The following VPS26A variants were observed in gnomAD, a reference collection of about 807,000 sequenced individuals.
VPS26A encodes VPS26 retromer complex component A.
VPS26A carries 22 observed loss-of-function variants against 42.4 expected under a neutral mutation model. The observed-to-expected ratio is 0.52, with a 90% CI of 0.37 to 0.74. VPS26A has a LOEUF of 0.74. Ranked by LOEUF, VPS26A falls within the 30% of genes least tolerant of loss-of-function variation. The pLI, the probability that VPS26A is intolerant of heterozygous loss-of-function variation, is 0.00. For missense variants in VPS26A, 276 were observed against 379.2 expected (o/e 0.73, Z 2.26); for synonymous variants, 110 against 123.5 (o/e 0.89, Z 0.73).
chr10:69,141,813 A>G (rs1312102312), intron 2 of VPS26A, among the ~76,000 whole-genome samples: 3 of 152,210 alleles, frequency 2.0e-5, no homozygotes, highest in Admixed American at 6.5e-5. Context: ...GAGGTTTGCT[A>G]TAATAACAAT....
intron 2 of VPS26A, among the ~76,000 whole-genome samples, chr10:69,140,458 C>T (rs371130437): frequency 3.9e-5 from 6 of 152,210 alleles, no homozygotes; most frequent in South Asian, 4.2e-4. Context: ...CTGCAACCTC[C>T]GTCTCCCAGG....
chr10:69,132,937 G>A lies in VPS26A; in HGVS notation c.43G>A (p.Asp15Asn), dbSNP rs1253070221. 4 of 1,601,196 alleles carry A rather than the reference G, an allele frequency of 2.5e-6. No individual in the cohort carries two copies. The highest frequency in any genetic ancestry group is 1.8e-5 in the Admixed American group (1 of 55,932). Reference protein sequence around the residue: ...GGFFGPICEIDIVLNDGETRK... With the variant: ...GGFFGPICEINIVLNDGETRK... Reference sequence around the variant, plus strand: ...CTTTTTTGGTCCAATTTGTGAGATCGATATTGTTCTTAATGATGGGGAAAC... The same window carrying A: ...CTTTTTTGGTCCAATTTGTGAGATCAATATTGTTCTTAATGATGGGGAAAC... The change falls in exon 2 of 9, where the codon GAT (aspartate) becomes AAT (asparagine). Residue 15 changes from aspartate to asparagine, a missense_variant. By Grantham distance (23) the Asp-to-Asn change is conservative. Coordinates refer to ENST00000263559, the MANE Select transcript of VPS26A (RefSeq NM_004896.5).
intron 6 of VPS26A, 26 bp downstream of exon 6, chr10:69,162,538 A>G: frequency 7.1e-7 from 1 of 1,401,722 alleles, no homozygotes; most frequent in Non-Finnish European, 9.8e-7. Context: ...TATGTAAATT[A>G]AAATTCTTTG....
chr10:69,150,886 A>T (rs901788461), intron 2 of VPS26A, among the ~76,000 whole-genome samples: 1 of 152,050 alleles, frequency 6.6e-6, no homozygotes, highest in Non-Finnish European at 1.5e-5. Context: ...GTTATGTGAG[A>T]TTTCCTTGTG....
intron 6 of VPS26A, among the ~76,000 whole-genome samples, chr10:69,164,863 T>G (rs13376856): frequency 0.22 from 33,486 of 151,808 alleles, 3,964 homozygotes; most frequent in African/African-American, 0.24. Context: ...TCTTTTATTG[T>G]TTCATCCCTG....
At chr10:69,144,726 G>C (rs1455304278) in intron 2 of VPS26A, among the ~76,000 whole-genome samples, 1 of 150,810 alleles carries the variant, frequency 6.6e-6, no homozygotes, top group Non-Finnish European at 1.5e-5. Context: ...CTATCTAGTT[G>C]ACTCTTTTTC....
chr10:69,149,765 G>C (rs79658076), intron 2 of VPS26A, among the ~76,000 whole-genome samples: 1 of 69,398 alleles, frequency 1.4e-5, no homozygotes, highest in Non-Finnish European at 2.2e-5. Context: ...TTTTTTTTTT[G>C]AGATGGAGTC....
intron 1 of VPS26A, among the ~76,000 whole-genome samples, chr10:69,128,552 T>G (rs1369696394): frequency 1.3e-5 from 2 of 152,106 alleles, no homozygotes; most frequent in Non-Finnish European, 2.9e-5. Flanking sequence ...AATGTCAGCT[T>G]TCAAATCCCA....
chr10:69,131,081 G>T (rs1189439609), intron 1 of VPS26A, among the ~76,000 whole-genome samples: 2 of 152,114 alleles, frequency 1.3e-5, no homozygotes, highest in Admixed American at 6.5e-5. Flanking sequence ...TGCCTTCTGG[G>T]TCCAGGTGAT....
chr10:69,133,838 C>T (rs1840847655), intron 2 of VPS26A, among the ~76,000 whole-genome samples: 1 of 152,044 alleles, frequency 6.6e-6, no homozygotes, highest in African/African-American at 2.4e-5. Context: ...AGGCACACAC[C>T]ACCACTTCAG....
intron 2 of VPS26A, among the ~76,000 whole-genome samples, chr10:69,148,893 C>T (rs1374274524): frequency 1.3e-5 from 2 of 151,500 alleles, no homozygotes; most frequent in African/African-American, 4.9e-5. Flanking sequence ...GTAGCTGGGA[C>T]TACAGGTGCC....
At chr10:69,163,224 G>A (rs1009745106) in intron 6 of VPS26A, among the ~76,000 whole-genome samples, 2 of 152,148 alleles carry the variant, frequency 1.3e-5, no homozygotes, top group African/African-American at 4.8e-5. Flanking sequence ...CATTTTGCAC[G>A]TGTGCAAGAT....
chr10:69,154,429 G>C (rs1841385332), intron 2 of VPS26A, among the ~76,000 whole-genome samples: 1 of 152,186 alleles, frequency 6.6e-6, no homozygotes, highest in South Asian at 2.1e-4. Context: ...CCAGCTACTT[G>C]GGAGGCTGAG....
At chr10:69,145,330 C>T (rs953685215) in intron 2 of VPS26A, among the ~76,000 whole-genome samples, 3 of 152,130 alleles carry the variant, frequency 2.0e-5, no homozygotes, top group Admixed American at 6.5e-5. Flanking sequence ...CCACCACACC[C>T]GGCCTAAATT....
chr10:69,124,819 G>A (rs12260628), intron 1 of VPS26A, among the ~76,000 whole-genome samples: 8,810 of 152,250 alleles, frequency 0.058, 294 homozygotes, highest in South Asian at 0.13. Flanking sequence ...TTGTAAAATG[G>A]GAGAGAAAAA....
chr10:69,156,309 G>A (rs913793008), intron 3 of VPS26A, among the ~76,000 whole-genome samples: 17 of 151,844 alleles, frequency 1.1e-4, no homozygotes, highest in Admixed American at 2.0e-4. Flanking sequence ...ATGTGAGAAG[G>A]AAAGGTGTAG....
intron 3 of VPS26A, 58 bp downstream of exon 3, chr10:69,155,945 G>A (rs1487584131): frequency 2.2e-6 from 3 of 1,364,014 alleles, no homozygotes; most frequent in East Asian, 5.0e-5. Flanking sequence ...GAAGAGGGTT[G>A]GATTTTGCAC....
chr10:69,157,205 G>A (rs771906957), intron 4 of VPS26A, 42 bp downstream of exon 4: 14 of 1,563,668 alleles, frequency 9.0e-6, no homozygotes, highest in Middle Eastern at 1.7e-4. Flanking sequence ...ATCAAAACCA[G>A]AAAGTAATGA....
In VPS26A at chr10:69,124,214, G is replaced by C. The variant is rs982115107; in HGVS notation, c.-64G>C. Reference sequence around the variant, plus strand: ...ACGGAGCGCCGGAGCGGAGGGAGCCGGGGCTGGGAGTTCTCCTGAGGGAAG... The same window carrying C: ...ACGGAGCGCCGGAGCGGAGGGAGCCCGGGCTGGGAGTTCTCCTGAGGGAAG... On this transcript the variant is annotated 5_prime_UTR_variant, in exon 1 of 9. Coordinates refer to ENST00000263559, the MANE Select transcript of VPS26A (RefSeq NM_004896.5). The C allele has an allele frequency of 1.6e-6, 2 of 1,271,822 alleles. No homozygotes were observed. Among genetic ancestry groups the C allele is most frequent in the Non-Finnish European group, 2.0e-6 (2 of 1,003,384 alleles). 78.8% of individuals were successfully genotyped at this position (1,271,822 alleles called of 1,614,324 possible). A position where few individuals can be genotyped will look rare whatever the true frequency, so the allele number is the denominator to read the frequency against.
Sources: gnomAD v4.1 joint callset for allele counts (sites outside exome capture counted in the v4.1 genomes callset) on GRCh38, gnomAD v4.1.1 for gene constraint, MANE v1.5 for transcripts, NCBI Gene and HGNC (gene_info 2026-07-23, HGNC 2026-07-21) for gene names.